MAGI2: variants seen among roughly 807,000 people sequenced by gnomAD.
MAGI2 encodes the protein membrane associated guanylate kinase, WW and PDZ domain containing 2.
MAGI2 carries 35 observed loss-of-function variants against 133.3 expected under a neutral mutation model. The ratio of observed to expected loss-of-function variants is 0.26; its 90% CI spans 0.20 to 0.35. The LOEUF (loss-of-function observed/expected upper bound fraction) is 0.35, where lower values mean the gene tolerates loss of function less well. Among genes scored for constraint, MAGI2 ranks in the 10% least tolerant of loss-of-function variants. The pLI, the probability that MAGI2 is intolerant of heterozygous loss-of-function variation, is 1.00. For synonymous variants in MAGI2, 729 were observed against 710.6 expected (o/e 1.03, Z -0.41); for missense variants, 1,636 against 1,863.4 (o/e 0.88, Z 2.25).
intron 2 of MAGI2, among the ~76,000 whole-genome samples, chr7:78,866,348 G>A (rs1364598417): frequency 1.3e-5 from 2 of 152,210 alleles, no homozygotes; most frequent in East Asian, 3.9e-4. Context: ...ACTTGTGAAA[G>A]TGAGTGAGTA....
At chr7:79,351,792 A>G (rs1347348142) in intron 1 of MAGI2, 1 of 152,204 alleles carries the variant, frequency 6.6e-6, no homozygotes, top group African/African-American at 2.4e-5. Context: ...TTATCAATTG[A>G]CATGTACCTT....
intron 9 of MAGI2, among the ~76,000 whole-genome samples, chr7:78,268,363 T>C (rs887362571): frequency 8.5e-5 from 13 of 152,160 alleles, no homozygotes; most frequent in Non-Finnish European, 1.2e-4. Context: ...ATAAATATAT[T>C]GTTGGAGATC....
chr7:79,112,708 G>A (rs530730557), intron 1 of MAGI2, among the ~76,000 whole-genome samples: 139 of 151,442 alleles, frequency 9.2e-4, no homozygotes, highest in African/African-American at 3.3e-3. Flanking sequence ...CATTTTTTTT[G>A]TACTTGTCAG....
intron 2 of MAGI2, among the ~76,000 whole-genome samples, chr7:78,982,129 A>G (rs1167481248): frequency 6.6e-6 from 1 of 151,866 alleles, no homozygotes; most frequent in African/African-American, 2.4e-5. Context: ...GCTGCTATAT[A>G]AGCTTAGGTG....
intron 3 of MAGI2, among the ~76,000 whole-genome samples, chr7:78,528,868 C>A (rs1427982988): frequency 6.6e-6 from 1 of 151,998 alleles, no homozygotes; most frequent in Non-Finnish European, 1.5e-5. Flanking sequence ...GAAAAATATA[C>A]CAAATAGCAT....
chr7:78,321,254 A>T (rs530150234), intron 9 of MAGI2, among the ~76,000 whole-genome samples: 13 of 152,354 alleles, frequency 8.5e-5, no homozygotes, highest in African/African-American at 3.1e-4. Context: ...TTCTTCACAG[A>T]ATTGGAAAAA....
At chr7:79,364,518 A>T (rs921990448) in intron 1 of MAGI2, among the ~76,000 whole-genome samples, 21 of 152,088 alleles carry the variant, frequency 1.4e-4, no homozygotes, top group African/African-American at 5.1e-4. Flanking sequence ...CATGAGAAGA[A>T]TCACTTTAGT....
At chr7:78,025,074 A>G (rs1279413328) in intron 21 of MAGI2, among the ~76,000 whole-genome samples, 1 of 152,226 alleles carries the variant, frequency 6.6e-6, no homozygotes, top group Non-Finnish European at 1.5e-5. Flanking sequence ...AAAAGCCTGC[A>G]TGATCTGGCC....
rs527850209 is a variant in MAGI2 at position 78,468,099 on chromosome 7, C to G, written c.1045+21662G>C. On this transcript the variant is annotated intron_variant, in intron 6 of 21. Transcript: ENST00000354212. ...CAAAACAAAACAAACTTTGGTTTGA[C>G]TTTTACTTAGTGCAACTTTGGGCTA... Among the ~76,000 whole-genome samples the G allele has an allele frequency of 1.7e-4, 26 of 152,210 alleles. No homozygotes were observed. In the South Asian group the frequency reaches 5.4e-3, roughly 32 times the overall value.
intron 2 of MAGI2, among the ~76,000 whole-genome samples, chr7:78,889,671 C>A (rs546802265): frequency 6.6e-6 from 1 of 152,266 alleles, no homozygotes; most frequent in Non-Finnish European, 1.5e-5. Context: ...TACAGACAAG[C>A]AAATACTGAG....
rs746056884 is a variant in MAGI2 at position 78,132,953 on chromosome 7, G to A, written c.3139C>T (p.Pro1047Ser). The change falls in exon 18 of 22, where the codon CCC becomes TCC. Residue 1047 changes from proline to serine, a missense_variant. Transcript: ENST00000354212. ...GCTGGCTGGGCGATGGGGCTGTTGG[G>A]GGTGGCTGGGCTTGGCTGGGCCAGG... is the stretch of plus-strand genomic sequence containing the variant. ...SPLAQPSPAT[P>S]NSPIAQPAPP... The A allele has an allele frequency of 3.6e-5, 58 of 1,613,776 alleles. No individual in the cohort carries two copies. The highest frequency in any genetic ancestry group is 4.3e-5 in the Non-Finnish European group (51 of 1,179,954).
At chr7:78,750,977 G>C (rs1823399408) in intron 2 of MAGI2, among the ~76,000 whole-genome samples, 1 of 152,126 alleles carries the variant, frequency 6.6e-6, no homozygotes, top group South Asian at 2.1e-4. Context: ...GAAATCCTAA[G>C]AGTAAATAAT....
At chr7:78,449,108 C>A (rs117460038) in intron 6 of MAGI2, among the ~76,000 whole-genome samples, 9,087 of 152,050 alleles carry the variant, frequency 0.06, 351 homozygotes, top group Non-Finnish European at 0.078. Flanking sequence ...CATTCTGCTG[C>A]CCTGGTGCCC....
At chr7:78,133,360 G>A (rs1040955096) in intron 17 of MAGI2, among the ~76,000 whole-genome samples, 2 of 152,168 alleles carry the variant, frequency 1.3e-5, no homozygotes, top group African/African-American at 4.8e-5. Flanking sequence ...AAAGGACTAA[G>A]CTCTAAAACA....
intron 3 of MAGI2, among the ~76,000 whole-genome samples, chr7:78,530,327 C>T (rs1797357014): frequency 6.6e-6 from 1 of 152,208 alleles, no homozygotes; most frequent in African/African-American, 2.4e-5. Context: ...CTTAGCAACA[C>T]TCTCTCATTC....
At chr7:79,216,824 G>A (rs1830067307) in intron 1 of MAGI2, among the ~76,000 whole-genome samples, 1 of 152,064 alleles carries the variant, frequency 6.6e-6, no homozygotes, top group African/African-American at 2.4e-5. Context: ...GAATAGAGTG[G>A]AGTAAGAGAC....
intron 1 of MAGI2, among the ~76,000 whole-genome samples, chr7:79,114,307 C>A (rs1351662899): frequency 1.3e-5 from 2 of 152,148 alleles, no homozygotes; most frequent in African/African-American, 4.8e-5. Context: ...AGGTTGATCT[C>A]TTTAATGGAT....
intron 1 of MAGI2, among the ~76,000 whole-genome samples, chr7:79,342,361 T>A (rs1007345639): frequency 2.0e-5 from 3 of 152,182 alleles, no homozygotes; most frequent in African/African-American, 7.2e-5. Flanking sequence ...AAAAGAAATG[T>A]CCATTGAACA....
chr7:78,263,899 C>A (rs944944897), intron 9 of MAGI2, among the ~76,000 whole-genome samples: 1 of 152,080 alleles, frequency 6.6e-6, no homozygotes, highest in Non-Finnish European at 1.5e-5. Context: ...TTAGGACATG[C>A]CCCCAACACT....
Sources: gnomAD v4.1 joint callset for allele counts (sites outside exome capture counted in the v4.1 genomes callset) on GRCh38, gnomAD v4.1.1 for gene constraint, MANE v1.5 for transcripts, NCBI Gene and HGNC (gene_info 2026-07-23, HGNC 2026-07-21) for gene names.